The following PIK3CA variants were observed in gnomAD, a reference collection of about 807,000 sequenced individuals.
The protein encoded by PIK3CA is phosphatidylinositol 4,5-bisphosphate 3-kinase catalytic subunit alpha isoform.
In PIK3CA, 27 loss-of-function variants were observed where a neutral mutation model predicts 138.2. The ratio of observed to expected loss-of-function variants is 0.20; its 90% CI spans 0.14 to 0.27. The LOEUF is 0.27. PIK3CA is among the 10% of genes least tolerant of loss of function. The probability of loss-of-function intolerance (pLI) is 1.00; values close to 1 mark genes in which losing one functional copy is unlikely to be tolerated. For missense variants in PIK3CA, 544 were observed against 1,277.4 expected (o/e 0.43, Z 8.75); for synonymous variants, 358 against 413.2 (o/e 0.87, Z 1.62).
At chr3:179,227,391 A>G (rs1171944750) in intron 17 of PIK3CA, among the ~76,000 whole-genome samples, 1 of 152,068 alleles carries the variant, frequency 6.6e-6, no homozygotes, top group Non-Finnish European at 1.5e-5. Flanking sequence ...ATAAAATAAG[A>G]AAGAATGAGC....
At chr3:179,148,894 G>A (rs1576908101) in intron 1 of PIK3CA, among the ~76,000 whole-genome samples, 1 of 152,126 alleles carries the variant, frequency 6.6e-6, no homozygotes, top group South Asian at 2.1e-4. Context: ...GGCGGCTGGA[G>A]GTTGAGGAAG....
chr3:179,224,994 TGAAAA>T (rs541192473), intron 16 of PIK3CA, among the ~76,000 whole-genome samples, 173 bp downstream of exon 16: 1 of 152,178 alleles, frequency 6.6e-6, no homozygotes, highest in South Asian at 2.1e-4. Flanking sequence ...GTATAATCAA[TGAAAA>T]GAAAAGAAGT....
intron 1 of PIK3CA, among the ~76,000 whole-genome samples, chr3:179,160,351 C>T (rs1723245526): frequency 2.0e-5 from 3 of 151,048 alleles, no homozygotes; most frequent in Admixed American, 2.0e-4. Context: ...TAAGAATTTG[C>T]CATCCTTTCA....
intron 1 of PIK3CA, among the ~76,000 whole-genome samples, chr3:179,195,991 C>G (rs551008255): frequency 6.6e-6 from 1 of 152,260 alleles, no homozygotes; most frequent in Admixed American, 6.5e-5. Context: ...CTTCCAGGAT[C>G]AACAAGTGTT....
intron 4 of PIK3CA, among the ~76,000 whole-genome samples, 197 bp downstream of exon 4, chr3:179,201,737 C>T (rs984997613): frequency 6.6e-5 from 10 of 151,498 alleles, no homozygotes; most frequent in Non-Finnish European, 1.3e-4. Flanking sequence ...TCCCGAGCAG[C>T]TGGGACTACA....
At chr3:179,175,495 C>T (rs1256235447) in intron 1 of PIK3CA, among the ~76,000 whole-genome samples, 2 of 152,132 alleles carry the variant, frequency 1.3e-5, no homozygotes, top group Non-Finnish European at 2.9e-5. Context: ...GTCCCTGCTG[C>T]TTGCAGACTT....
At chr3:179,148,251 T>G (rs1722902583), upstream of PIK3CA, 1 of 147,476 alleles carries the variant, frequency 6.8e-6, no homozygotes, top group Non-Finnish European at 1.5e-5. Flanking sequence ...TAAAGTTTAT[T>G]CTGGAAACAA....
chr3:179,214,827 G>C (rs1724800522), intron 9 of PIK3CA, among the ~76,000 whole-genome samples: 5 of 152,090 alleles, frequency 3.3e-5, no homozygotes, highest in Admixed American at 3.3e-4. Context: ...GTTATCCCAG[G>C]TTCCCCAGGA....
At chr3:179,209,526 AG>A in intron 6 of PIK3CA, 68 bp from the exon 7 acceptor site, 1 of 815,004 alleles carries the variant, frequency 1.2e-6, no homozygotes, top group Non-Finnish European at 1.9e-6. Context: ...CGTGATTTGT[AG>A]GAGTCATTTA....
At chr3:179,170,068 GCGCGCGCGCACACA>G (rs1560126824) in intron 1 of PIK3CA, among the ~76,000 whole-genome samples, 3 of 48,714 alleles carry the variant, frequency 6.2e-5, no homozygotes, top group African/African-American at 2.5e-4. Context: ...GCGTGCACAC[GCGCGCGCGCACACA>G]CACACACACA....
At chr3:179,182,736 T>C (rs1403330077) in intron 1 of PIK3CA, among the ~76,000 whole-genome samples, 2 of 152,182 alleles carry the variant, frequency 1.3e-5, no homozygotes, top group African/African-American at 4.8e-5. Context: ...GTTATACCCA[T>C]TTCAGTTTGT....
chr3:179,187,537 C>CA (rs375116506), intron 1 of PIK3CA, among the ~76,000 whole-genome samples: 20,767 of 63,294 alleles, frequency 0.33, 3,516 homozygotes, highest in Non-Finnish European at 0.37. Flanking sequence ...GACTCCGCCT[C>CA]AAAAAAAAAA....
At position 179,236,043 on chromosome 3, in the gene PIK3CA, TA is replaced by T. The variant is rs1725327491; in HGVS notation, c.*1680del. The T allele has an allele frequency of 4.8e-6, 1 of 206,846 alleles. No individual in the cohort carries two copies. Among genetic ancestry groups the T allele is most frequent in the African/African-American group, 2.3e-5 (1 of 43,936 alleles). The allele number at this position is 206,846 out of a possible 1,614,324, so 12.8% of individuals were successfully genotyped here. ...TAGGCATATTATTGGAAAACAACTT[TA>T]TAAAGAGTGAACATTGTATACTCTA... is the stretch of plus-strand genomic sequence containing the variant. On this transcript the variant is annotated 3_prime_UTR_variant, in exon 21 of 21. Transcript: ENST00000263967.
intron 6 of PIK3CA, among the ~76,000 whole-genome samples, chr3:179,207,119 TAAATG>T (rs1724582795): frequency 1.3e-5 from 2 of 152,138 alleles, no homozygotes; most frequent in Non-Finnish European, 2.9e-5. Context: ...AAAAATCAGA[TAAATG>T]AATATGAAGT....
At chr3:179,174,418 C>T (rs529379996) in intron 1 of PIK3CA, among the ~76,000 whole-genome samples, 21 of 152,098 alleles carry the variant, frequency 1.4e-4, no homozygotes, top group Admixed American at 9.8e-4. Flanking sequence ...TGCAGTGAGC[C>T]GAGATTGTGC....
intron 3 of PIK3CA, among the ~76,000 whole-genome samples, chr3:179,200,979 T>C (rs1478329652): frequency 6.6e-6 from 1 of 152,162 alleles, no homozygotes; most frequent in African/African-American, 2.4e-5. Context: ...CATGAATCAC[T>C]ATTCATAGGG....
At position 179,237,718 on chromosome 3, in the gene PIK3CA, G is replaced by A. The variant is rs1576951319; in HGVS notation, c.*3354G>A. 9.5e-6 allele frequency: 2 copies of A among 211,104 alleles called. No individual in the cohort carries two copies. Among genetic ancestry groups the A allele is most frequent in the East Asian group, 7.1e-5 (1 of 14,154 alleles). The allele number at this position is 211,104 out of a possible 1,614,324, so 13.1% of individuals were successfully genotyped here. A position where few individuals can be genotyped will look rare whatever the true frequency, so the allele number is the denominator to read the frequency against. On this transcript the variant is annotated 3_prime_UTR_variant, in exon 21 of 21. Coordinates refer to ENST00000263967, the MANE Select transcript of PIK3CA (RefSeq NM_006218.4). ...TGGAAATTTCACAGCACAATAACAC[G>A]GATTTGTTTTTTCTTAATGATGTAA...
At chr3:179,162,859 T>TAAA (rs536763876) in intron 1 of PIK3CA, among the ~76,000 whole-genome samples, 2 of 145,502 alleles carry the variant, frequency 1.4e-5, no homozygotes, top group African/African-American at 5.0e-5. Context: ...TTCTCTTCTT[T>TAAA]AAAAAAAAAA....
intron 9 of PIK3CA, among the ~76,000 whole-genome samples, chr3:179,215,651 A>C (rs1365055775): frequency 1.3e-5 from 2 of 152,170 alleles, no homozygotes; most frequent in Non-Finnish European, 2.9e-5. Flanking sequence ...GTCTTGCATC[A>C]TCTTTCCAGA....
Sources: allele counts gnomAD v4.1 joint callset (sites outside exome capture counted in the v4.1 genomes callset), GRCh38; gene constraint gnomAD v4.1.1; transcripts MANE v1.5; gene names NCBI Gene and HGNC (gene_info 2026-07-23, HGNC 2026-07-21).